ICE1: variants seen among roughly 807,000 people sequenced by gnomAD.
ICE1 encodes interactor of little elongation complex ELL subunit 1.
In ICE1, 64 loss-of-function variants were observed where a neutral mutation model predicts 192.7. That is an observed-to-expected ratio of 0.33 (90% CI 0.27 to 0.41). ICE1 has a LOEUF of 0.41. ICE1 is among the 10% of genes least tolerant of loss of function. ICE1 has a pLI of 1.00. For missense variants in ICE1, 2,708 were observed against 2,696.0 expected (o/e 1.00, Z -0.10); for synonymous variants, 1,010 against 984.5 (o/e 1.03, Z -0.49).
rs761163851 is a variant in ICE1 at position 5,464,380 on chromosome 5, T to G, written c.5046T>G (p.Ser1682=). 6.2e-6 allele frequency: 10 copies of G among 1,613,674 alleles called. 1 individual carries two copies. In the South Asian group the frequency reaches 9.9e-5, roughly 16 times the overall value. ...FRETPVPPAM[S]PWPEDPRRAS... Reference sequence around the variant, plus strand: ...AAACCCCAGTGCCTCCTGCCATGTCTCCATGGCCAGAGGACCCCAGACGTG... The same window carrying G: ...AAACCCCAGTGCCTCCTGCCATGTCGCCATGGCCAGAGGACCCCAGACGTG... The change falls in exon 13 of 19, where the codon TCT becomes TCG. Residue 1682 remains serine, a synonymous_variant. Transcript: ENST00000296564. The surrounding 1 kb of genome is among the most constrained non-coding windows in gnomAD (Gnocchi z 4.0).
Position 5,441,166 on chromosome 5 carries a change from T to A in ICE1, c.252T>A (p.Pro84=). 6.4e-7 allele frequency: 1 copy of A among 1,565,732 alleles called. No individual in the cohort carries two copies. The highest frequency in any genetic ancestry group is 8.7e-7 in the Non-Finnish European group (1 of 1,153,924). The stretch of plus-strand genomic sequence containing the variant: ...AAGAGATGCTTCAAAAAATTTCTCC[T>A]CTACAGAAATGTCAGGAAGAACTGG... The part of the protein sequence containing the change: ...QVEEMLQKIS[P]LQKCQEELGS... The change falls in exon 5 of 19, where the codon CCT becomes CCA. Residue 84 remains proline (P), a synonymous_variant. Coordinates refer to ENST00000296564, the MANE Select transcript of ICE1 (RefSeq NM_015325.3).
At chr5:5,487,809 T>C (rs1739672916) in intron 18 of ICE1, among the ~76,000 whole-genome samples, 1 of 152,222 alleles carries the variant, frequency 6.6e-6, no homozygotes, top group Admixed American at 6.5e-5. Context: ...GGAGCTGATG[T>C]TGGGGCCTGC....
chr5:5,433,803 G>C (rs931344797), intron 1 of ICE1, among the ~76,000 whole-genome samples: 2 of 152,064 alleles, frequency 1.3e-5, no homozygotes, highest in African/African-American at 4.8e-5. Context: ...CAACAATTCT[G>C]TACCTAGCAA....
At chr5:5,428,379 G>C (rs1388712526) in intron 1 of ICE1, among the ~76,000 whole-genome samples, 1 of 152,196 alleles carries the variant, frequency 6.6e-6, no homozygotes, top group Non-Finnish European at 1.5e-5. Flanking sequence ...CCAGGAATAA[G>C]TGGTTTATCA....
chr5:5,464,559 G>A lies in ICE1; in HGVS notation c.5225G>A (p.Gly1742Glu), dbSNP rs1171418778. 1.2e-6 allele frequency: 2 copies of A among 1,613,250 alleles called. No homozygotes were observed. Among genetic ancestry groups the A allele is most frequent in the South Asian group, 1.1e-5 (1 of 91,010 alleles). Residue 1742 changes from glycine (G) to glutamate (E), a missense_variant, in exon 13 of 19, where the codon GGA (glycine) becomes GAA (glutamate). Around this residue, in one of 2 missense-constraint regions of ICE1, gnomAD observed 2,366 missense variants for 2,276.6 expected, o/e 1.04. Transcript: ENST00000296564. The surrounding 1 kb of genome is among the most constrained non-coding windows in gnomAD (Gnocchi z 4.0). ...PPCASGHAAV[G>E]GPQENSVKIL... Reference sequence around the variant, plus strand: ...TGTGCATCTGGCCACGCTGCTGTGGGAGGGCCTCAGGAGAATTCTGTGAAA... The same window carrying A: ...TGTGCATCTGGCCACGCTGCTGTGGAAGGGCCTCAGGAGAATTCTGTGAAA...
chr5:5,432,894 A>C (rs1006236849), intron 1 of ICE1, among the ~76,000 whole-genome samples: 6 of 152,040 alleles, frequency 3.9e-5, no homozygotes, highest in African/African-American at 1.2e-4. Flanking sequence ...CCTCTTTCAC[A>C]CTGCAGGTCT....
At chr5:5,478,428 G>T (rs1739403453) in intron 17 of ICE1, among the ~76,000 whole-genome samples, 1 of 152,124 alleles carries the variant, frequency 6.6e-6, no homozygotes, top group African/African-American at 2.4e-5. Flanking sequence ...TCTTCAAGGA[G>T]AACTACAAAC....
rs371673034 is a variant in ICE1 at position 5,469,706 on chromosome 5, T to C, written c.6222+718T>C. The stretch of plus-strand genomic sequence containing the variant: ...GTTTTGCCTTTTTTTATTATTACTT[T>C]TGATGTTAGTATTTGTTAGGCTTTT... On this transcript the variant is annotated intron_variant, in intron 15 of 18. Transcript: ENST00000296564. Among the ~76,000 whole-genome samples, 44 of 152,340 alleles carry C rather than the reference T, an allele frequency of 2.9e-4. No homozygotes were observed. The East Asian group carries it at 4.4e-3, about 15-fold the overall frequency.
At position 5,482,775 on chromosome 5, in the gene ICE1, A is replaced by AACACACACACACACAC. The variant is rs70965943; in HGVS notation, c.6521-3925_6521-3910dup. ...GGTGACATTAACACCCCCACCCCCC[A>AACACACACACACACAC]ACACACACACACACACACACACACA... On this transcript the variant is annotated intron_variant, in intron 17 of 18. Coordinates refer to ENST00000296564, the MANE Select transcript of ICE1 (RefSeq NM_015325.3). Among the ~76,000 whole-genome samples, 11 of 136,080 alleles carry AACACACACACACACAC rather than the reference A, an allele frequency of 8.1e-5. No individual in the cohort carries two copies. The Admixed American group carries it at 8.2e-4, about 10-fold the overall frequency. 89.3% of individuals were successfully genotyped at this position (136,080 alleles called of 152,430 possible). A position where few individuals can be genotyped will look rare whatever the true frequency, so the allele number is the denominator to read the frequency against.
chr5:5,454,920 A>C (rs559497790), intron 11 of ICE1, among the ~76,000 whole-genome samples: 9 of 152,092 alleles, frequency 5.9e-5, no homozygotes, highest in African/African-American at 1.9e-4. Context: ...TGAAGGATGC[A>C]GTTTCTTCTG....
At chr5:5,437,302 G>GT (rs1737897443) in intron 3 of ICE1, 188 bp downstream of exon 3, 1 of 466,262 alleles carries the variant, frequency 2.1e-6, no homozygotes, top group Non-Finnish European at 3.8e-6. Context: ...TTAATGATGA[G>GT]TTTTAAAAAT....
intron 17 of ICE1, among the ~76,000 whole-genome samples, chr5:5,479,321 C>T (rs181974348): frequency 3.9e-5 from 6 of 152,240 alleles, no homozygotes; most frequent in Non-Finnish European, 8.8e-5. Context: ...GACATTTATG[C>T]GGCCAACAAA....
In ICE1 at chr5:5,482,808, A is replaced by T. The variant is rs893182172; in HGVS notation, c.6521-3913A>T. On this transcript the variant is annotated intron_variant, in intron 17 of 18. Coordinates refer to ENST00000296564, the MANE Select transcript of ICE1 (RefSeq NM_015325.3). ...CACACACACACACACACACACACAC[A>T]CACTCATCTGGATGAGAGTTTGAAT... Among the ~76,000 whole-genome samples the T allele has an allele frequency of 3.4e-5, 5 of 148,570 alleles. No individual in the cohort carries two copies. The East Asian group carries it at 9.9e-4, about 29-fold the overall frequency.
intron 17 of ICE1, among the ~76,000 whole-genome samples, chr5:5,483,933 C>T (rs1482016075): frequency 6.6e-6 from 1 of 152,218 alleles, no homozygotes; most frequent in African/African-American, 2.4e-5. Flanking sequence ...TAAATGAAAA[C>T]CCTGCTGTCT....
chr5:5,432,686 G>A (rs1737757065), intron 1 of ICE1, among the ~76,000 whole-genome samples: 1 of 152,120 alleles, frequency 6.6e-6, no homozygotes, highest in Non-Finnish European at 1.5e-5. Context: ...ACTTGCTATT[G>A]TCTGTCTTTT....
At chr5:5,485,787 G>T (rs771763433) in intron 17 of ICE1, among the ~76,000 whole-genome samples, 5 of 152,148 alleles carry the variant, frequency 3.3e-5, no homozygotes, top group Admixed American at 6.5e-5. Context: ...TCACAGAAAA[G>T]TCTTAAATAT....
At chr5:5,459,075 G>T (rs1579560913) in intron 12 of ICE1, among the ~76,000 whole-genome samples, 1 of 152,026 alleles carries the variant, frequency 6.6e-6, no homozygotes, top group Admixed American at 6.5e-5. Flanking sequence ...GGGTTTCACC[G>T]TGTTAGCCAG....
chr5:5,427,607 T>C (rs1439896047), intron 1 of ICE1, among the ~76,000 whole-genome samples: 10 of 152,254 alleles, frequency 6.6e-5, no homozygotes, highest in Non-Finnish European at 1.5e-4. Flanking sequence ...AAACTTGTGC[T>C]GGACTCCCAT....
intron 7 of ICE1, among the ~76,000 whole-genome samples, chr5:5,446,593 A>G (rs1738230547): frequency 6.6e-6 from 1 of 152,194 alleles, no homozygotes; most frequent in Admixed American, 6.5e-5. Context: ...AACATCTTTA[A>G]AGAAATCTGA....
Sources: allele counts gnomAD v4.1 joint callset (sites outside exome capture counted in the v4.1 genomes callset), GRCh38; gene constraint gnomAD v4.1.1; regional missense constraint gnomAD v4.1.1; non-coding constraint Gnocchi (gnomAD v3.1); transcripts MANE v1.5; gene names NCBI Gene and HGNC (gene_info 2026-07-23, HGNC 2026-07-21).